Variants in KCNAB1 observed in about 807,000 individuals in gnomAD.
KCNAB1 encodes potassium voltage-gated channel subfamily A regulatory beta subunit 1.
Under a neutral mutation model 64.6 loss-of-function variants are expected in KCNAB1, and 35 were observed. The observed-to-expected ratio is 0.54, with a 90% confidence interval of 0.41 to 0.72. The LOEUF (loss-of-function observed/expected upper bound fraction) is 0.72, where lower values mean the gene tolerates loss of function less well. Among genes scored for constraint, KCNAB1 ranks in the 30% least tolerant of loss-of-function variants. The pLI, the probability that KCNAB1 is intolerant of heterozygous loss-of-function variation, is 0.00. For missense variants in KCNAB1, 401 were observed against 512.9 expected, an observed-to-expected ratio of 0.78 and a Z score of 2.11; for synonymous variants, 177 against 183.8, an observed-to-expected ratio of 0.96 and a Z score of 0.30.
intron 1 of KCNAB1, among the ~76,000 whole-genome samples, chr3:156,251,083 G>A (rs1717803675): frequency 6.6e-6 from 1 of 152,200 alleles, no homozygotes; most frequent in African/African-American, 2.4e-5. Context: ...CCAGCTCATT[G>A]AAGAGTTTGA....
chr3:156,291,489 G>T, intron 1 of KCNAB1: 2 of 1,060,494 alleles, frequency 1.9e-6, no homozygotes, highest in Non-Finnish European at 2.3e-6. Flanking sequence ...CCAGAAGCGA[G>T]CCCGCATTCA....
intron 8 of KCNAB1, among the ~76,000 whole-genome samples, chr3:156,502,240 G>A (rs1576947475): frequency 6.6e-6 from 1 of 152,234 alleles, no homozygotes; most frequent in East Asian, 1.9e-4. Flanking sequence ...TCCTGAAAAT[G>A]GGTAAAGTGG....
intron 4 of KCNAB1, among the ~76,000 whole-genome samples, chr3:156,459,233 AG>A (rs1250090059): frequency 2.0e-5 from 3 of 152,150 alleles, no homozygotes; most frequent in Non-Finnish European, 4.4e-5. Flanking sequence ...GGATGCCTTC[AG>A]TATGCCTCTG....
At position 156,120,896 on chromosome 3, in the gene KCNAB1, C is replaced by T; in HGVS notation, c.275+10C>T. Reference sequence around the variant, plus strand: ...CAGGCATGCCGCACAGGTAAGCTGCCCCTGCTCTGCGCGGGCTTTGGGAGA... The same window carrying T: ...CAGGCATGCCGCACAGGTAAGCTGCTCCTGCTCTGCGCGGGCTTTGGGAGA... On this transcript the variant is annotated intron_variant, in intron 1 of 13. Transcript: ENST00000490337. The T allele has an allele frequency of 6.2e-7, 1 of 1,612,364 alleles. No individual in the cohort carries two copies.
intron 1 of KCNAB1, among the ~76,000 whole-genome samples, chr3:156,336,152 A>G (rs7653024): frequency 0.36 from 55,159 of 151,998 alleles, 12,560 homozygotes; most frequent in African/African-American, 0.65. Context: ...TTGAGGTCAG[A>G]AGTTCGAAAC....
intron 1 of KCNAB1, among the ~76,000 whole-genome samples, chr3:156,342,585 C>CTTTTTTTTTTTTTTTTTTTTTTTAT (rs60982892): frequency 2.3e-5 from 2 of 86,266 alleles, no homozygotes; most frequent in African/African-American, 3.7e-5. Context: ...CTATGTGTTT[C>CTTTTTTTTTTTTTTTTTTTTTTTAT]TTTTTTTTTT....
chr3:156,165,627 A>C (rs951352282), intron 1 of KCNAB1, among the ~76,000 whole-genome samples: 1 of 152,202 alleles, frequency 6.6e-6, no homozygotes, highest in African/African-American at 2.4e-5. Context: ...TCCATTGATC[A>C]ACACCTTAAT....
At chr3:156,185,908 T>C (rs894342672) in intron 1 of KCNAB1, among the ~76,000 whole-genome samples, 2 of 152,226 alleles carry the variant, frequency 1.3e-5, no homozygotes, top group South Asian at 2.1e-4. Flanking sequence ...TCTGAACTTC[T>C]CTATAACTAA....
chr3:156,269,923 T>TC, intron 1 of KCNAB1, among the ~76,000 whole-genome samples: 1 of 149,020 alleles, frequency 6.7e-6, no homozygotes, highest in East Asian at 1.9e-4. Context: ...CTTTTTTTTT[T>TC]TTTTTTTTTT....
At chr3:156,264,983 C>T (rs1718618386) in intron 1 of KCNAB1, among the ~76,000 whole-genome samples, 2 of 152,170 alleles carry the variant, frequency 1.3e-5, no homozygotes, top group Non-Finnish European at 2.9e-5. Context: ...GAGAAACACT[C>T]AATTCTTTTG....
chr3:156,252,716 C>T (rs896157628), intron 1 of KCNAB1, among the ~76,000 whole-genome samples: 1 of 152,184 alleles, frequency 6.6e-6, no homozygotes, highest in Admixed American at 6.5e-5. Flanking sequence ...AGATGCATTA[C>T]TTGTAACACT....
At chr3:156,474,613 G>A (rs1364222412) in intron 7 of KCNAB1, 121 bp from the exon 8 acceptor site, 49 of 650,292 alleles carry the variant, frequency 7.5e-5, no homozygotes, top group Non-Finnish European at 1.1e-4. Context: ...TGTATTCAAC[G>A]CATTTTTGAA....
intron 1 of KCNAB1, among the ~76,000 whole-genome samples, chr3:156,286,727 A>G (rs1720116916): frequency 1.3e-5 from 2 of 152,230 alleles, no homozygotes; most frequent in South Asian, 4.1e-4. Flanking sequence ...TATCACTTAT[A>G]AAAATATCGG....
At chr3:156,219,239 A>C (rs1715535630) in intron 1 of KCNAB1, among the ~76,000 whole-genome samples, 1 of 152,118 alleles carries the variant, frequency 6.6e-6, no homozygotes, top group Non-Finnish European at 1.5e-5. Context: ...AAACTTCTTC[A>C]GTGAAATAGA....
At chr3:156,231,299 ATGGGTTTTAT>A (rs1716508948) in intron 1 of KCNAB1, among the ~76,000 whole-genome samples, 1 of 152,098 alleles carries the variant, frequency 6.6e-6, no homozygotes, top group African/African-American at 2.4e-5. Context: ...TTCTCATCAG[ATGGGTTTTAT>A]TTGACTCTGT....
intron 1 of KCNAB1, among the ~76,000 whole-genome samples, chr3:156,286,738 G>T (rs535375231): frequency 2.0e-5 from 3 of 151,908 alleles, no homozygotes; most frequent in Admixed American, 2.0e-4. Context: ...AAAATATCGG[G>T]GTTTCTTTTA....
intron 1 of KCNAB1, among the ~76,000 whole-genome samples, chr3:156,162,520 A>G (rs1194727087): frequency 6.6e-6 from 1 of 152,140 alleles, no homozygotes; most frequent in Non-Finnish European, 1.5e-5. Flanking sequence ...GTTCAGCTGT[A>G]TCTTGAGGTT....
At position 156,137,251 on chromosome 3, in the gene KCNAB1, G is replaced by A. The variant is rs545907664; in HGVS notation, c.275+16365G>A. Among the ~76,000 whole-genome samples the A allele has an allele frequency of 4.0e-5, 6 of 151,470 alleles. No homozygotes were observed. In the South Asian group the frequency reaches 6.3e-4, roughly 16 times the overall value. ...GGGGGGATTGTTTTTATGCTATAACGCAGGAGTATACAGTAGATAAGCAGT... is the reference window on the plus strand; with the variant it reads ...GGGGGGATTGTTTTTATGCTATAACACAGGAGTATACAGTAGATAAGCAGT... On this transcript the variant is annotated intron_variant, in intron 1 of 13. Coordinates refer to ENST00000490337, the MANE Select transcript of KCNAB1 (RefSeq NM_172160.3).
At chr3:156,285,233 T>C (rs1720030763) in intron 1 of KCNAB1, among the ~76,000 whole-genome samples, 1 of 152,242 alleles carries the variant, frequency 6.6e-6, no homozygotes, top group Non-Finnish European at 1.5e-5. Flanking sequence ...CACTTATCTT[T>C]GAAAACAAAT....
Sources: allele counts gnomAD v4.1 joint callset (sites outside exome capture counted in the v4.1 genomes callset), GRCh38; gene constraint gnomAD v4.1.1; transcripts MANE v1.5; gene names NCBI Gene and HGNC (gene_info 2026-07-23, HGNC 2026-07-21).